The following HTR4 variants were observed in gnomAD, a reference collection of about 807,000 sequenced individuals.
The protein encoded by HTR4 is 5-hydroxytryptamine receptor 4, also known as 5-hydroxytryptamine (serotonin) receptor 4, G protein-coupled.
Under a neutral mutation model 36.8 loss-of-function variants are expected in HTR4, and 16 were observed. The observed-to-expected ratio is 0.43, with a 90% confidence interval of 0.29 to 0.66. The LOEUF (loss-of-function observed/expected upper bound fraction) is 0.66. Among genes scored for constraint, HTR4 ranks in the 30% least tolerant of loss-of-function variants. The pLI is 0.13. For missense variants in HTR4, 438 were observed against 490.9 expected (o/e 0.89, Z 1.02); for synonymous variants, 189 against 185.1 (o/e 1.02, Z -0.17).
chr5:148,558,244 T>C (rs916216792), intron 2 of HTR4, among the ~76,000 whole-genome samples: 1 of 152,144 alleles, frequency 6.6e-6, no homozygotes, highest in South Asian at 2.1e-4. Context: ...ATTGAATTAT[T>C]TTTTTCTAGT....
intron 5 of HTR4, among the ~76,000 whole-genome samples, chr5:148,463,802 G>T (rs1755350841): frequency 6.6e-6 from 1 of 151,658 alleles, no homozygotes; most frequent in Non-Finnish European, 1.5e-5. Context: ...GGAGAATAAA[G>T]TCAGAGGACT....
intron 2 of HTR4, among the ~76,000 whole-genome samples, chr5:148,556,785 C>T (rs1759969376): frequency 6.6e-6 from 1 of 152,104 alleles, no homozygotes; most frequent in Admixed American, 6.6e-5. Context: ...GTTCCTGAGT[C>T]ACAGGTGGAG....
downstream of HTR4, among the ~76,000 whole-genome samples, chr5:148,472,725 G>A (rs148778907): frequency 1.7e-3 from 254 of 152,238 alleles, no homozygotes; most frequent in African/African-American, 5.9e-3. Context: ...GAAAAGCATG[G>A]TTAGCAGGGA....
At chr5:148,539,371 A>C (rs1469188229) in intron 4 of HTR4, among the ~76,000 whole-genome samples, 4 of 152,186 alleles carry the variant, frequency 2.6e-5, no homozygotes, top group African/African-American at 9.6e-5. Context: ...AAAAATTAAC[A>C]AGTGGGATCT....
intron 2 of HTR4, among the ~76,000 whole-genome samples, chr5:148,609,359 TG>T (rs1752313716): frequency 6.6e-6 from 1 of 152,196 alleles, no homozygotes; most frequent in South Asian, 2.1e-4. Flanking sequence ...TGTCCTTCAC[TG>T]GGGACAAACT....
intron 6 of HTR4, among the ~76,000 whole-genome samples, chr5:148,502,630 G>T (rs1756993272): frequency 6.6e-6 from 1 of 152,174 alleles, no homozygotes; most frequent in Non-Finnish European, 1.5e-5. Flanking sequence ...ACCAGAAATG[G>T]AACAAAACTG....
chr5:148,522,479 G>A (rs1352963255), intron 5 of HTR4, among the ~76,000 whole-genome samples: 1 of 152,060 alleles, frequency 6.6e-6, no homozygotes, highest in Non-Finnish European at 1.5e-5. Context: ...GAGAAATGGG[G>A]GAAATAACTA....
chr5:148,581,428 A>G (rs749131117), intron 2 of HTR4, among the ~76,000 whole-genome samples: 7 of 140,808 alleles, frequency 5.0e-5, no homozygotes, highest in African/African-American at 8.7e-5. Context: ...GATCAATGAC[A>G]AGAAGCTTTT....
In HTR4 at chr5:148,481,821, A is replaced by G. The variant is rs1755900788; in HGVS notation, c.*1382T>C. Reference sequence around the variant, plus strand: ...GGGCATTCGCAAGAGCCACTGACTCAGCTTTGAATAAAAGACATCCAGATT... The same window carrying G: ...GGGCATTCGCAAGAGCCACTGACTCGGCTTTGAATAAAAGACATCCAGATT... On this transcript the variant is annotated 3_prime_UTR_variant, in exon 7 of 7. Coordinates refer to ENST00000377888, the MANE Select transcript of HTR4 (RefSeq NM_000870.7). 1.5e-6 allele frequency: 2 copies of G among 1,342,042 alleles called. No individual in the cohort carries two copies. Among genetic ancestry groups the G allele is most frequent in the Admixed American group, 6.8e-5 (2 of 29,212 alleles). The allele number at this position is 1,342,042 out of a possible 1,614,324, so 83.1% of individuals were successfully genotyped here.
At chr5:148,537,921 G>T (rs191582532) in intron 4 of HTR4, among the ~76,000 whole-genome samples, 103 of 152,078 alleles carry the variant, frequency 6.8e-4, no homozygotes, top group African/African-American at 2.5e-3. Flanking sequence ...ACCTGGCAGA[G>T]AAACAACAAC....
intron 6 of HTR4, among the ~76,000 whole-genome samples, chr5:148,504,173 C>G (rs1400309422): frequency 1.3e-5 from 2 of 152,200 alleles, no homozygotes; most frequent in African/African-American, 2.4e-5. Context: ...CTCTCCACCC[C>G]AAATCAACAG....
At chr5:148,582,602 C>T (rs1216447202) in intron 2 of HTR4, among the ~76,000 whole-genome samples, 1 of 152,018 alleles carries the variant, frequency 6.6e-6, no homozygotes, top group Non-Finnish European at 1.5e-5. Context: ...GCCTCTAGCC[C>T]AGCAGCCCTT....
intron 1 of HTR4, among the ~76,000 whole-genome samples, chr5:148,652,693 T>C (rs1331423460): frequency 6.6e-6 from 1 of 152,110 alleles, no homozygotes; most frequent in Non-Finnish European, 1.5e-5. Flanking sequence ...CTAGCTTCAG[T>C]GAGCTACAGT....
intron 5 of HTR4, among the ~76,000 whole-genome samples, chr5:148,452,064 T>G (rs568857132): frequency 6.6e-6 from 1 of 152,240 alleles, no homozygotes; most frequent in South Asian, 2.1e-4. Flanking sequence ...CTATTTGGCA[T>G]CATATGTTGA....
intron 4 of HTR4, among the ~76,000 whole-genome samples, chr5:148,541,009 C>A (rs1759093548): frequency 6.6e-6 from 1 of 152,192 alleles, no homozygotes; most frequent in South Asian, 2.1e-4. Context: ...TACCAAGTAC[C>A]ATGCACTGGT....
At chr5:148,468,791 G>A (rs766060313) in intron 5 of HTR4, among the ~76,000 whole-genome samples, 8 of 152,098 alleles carry the variant, frequency 5.3e-5, no homozygotes, top group South Asian at 2.1e-4. Flanking sequence ...CCCATGTGTC[G>A]TGGGAGGGAC....
In HTR4 at chr5:148,654,344, G is replaced by GC; in HGVS notation, c.-331dup. The stretch of plus-strand genomic sequence containing the variant: ...CGAGCCGGACTCCACGGGCTCAACA[G>GC]CCCCCAGCCCCGGTGGTCCCCGCTG... On this transcript the variant is annotated 5_prime_UTR_variant, in exon 1 of 7. Coordinates refer to ENST00000377888, the MANE Select transcript of HTR4 (RefSeq NM_000870.7). 7.1e-6 allele frequency: 7 copies of GC among 984,818 alleles called. No individual in the cohort carries two copies. The highest frequency in any genetic ancestry group is 8.4e-6 in the Non-Finnish European group (7 of 829,404). The allele number at this position is 984,818 out of a possible 1,614,324, so 61.0% of individuals were successfully genotyped here.
intron 4 of HTR4, among the ~76,000 whole-genome samples, chr5:148,547,991 T>C (rs1759475535): frequency 6.6e-6 from 1 of 152,114 alleles, no homozygotes; most frequent in African/African-American, 2.4e-5. Context: ...TTAGCAGGAA[T>C]TGGAAAATGA....
intron 2 of HTR4, among the ~76,000 whole-genome samples, chr5:148,621,697 C>A (rs759135472): frequency 6.6e-6 from 1 of 152,096 alleles, no homozygotes; most frequent in Non-Finnish European, 1.5e-5. Context: ...ATTTGAAGAG[C>A]GATTCCATGG....
Sources: gnomAD v4.1 joint callset for allele counts (sites outside exome capture counted in the v4.1 genomes callset) on GRCh38, gnomAD v4.1.1 for gene constraint, MANE v1.5 for transcripts, NCBI Gene and HGNC (gene_info 2026-07-23, HGNC 2026-07-21) for gene names.